The following TMEM130 variants were observed in gnomAD, a reference collection of about 807,000 sequenced individuals.
TMEM130 encodes the protein transmembrane protein 130.
In TMEM130, 37 loss-of-function variants were observed where a neutral mutation model predicts 42.9. That is an observed-to-expected ratio of 0.86 (90% confidence interval 0.66 to 1.13). The LOEUF is 1.13. TMEM130 is among the 50% of genes most tolerant of loss of function. The probability of loss-of-function intolerance (pLI) is 0.00; values close to 1 mark genes in which losing one functional copy is unlikely to be tolerated. For missense variants in TMEM130, 545 were observed against 562.6 expected (o/e 0.97, Z 0.32); for synonymous variants, 259 against 237.7 (o/e 1.09, Z -0.82).
Position 98,851,659 on chromosome 7 carries a change from T to G in TMEM130, c.804-36A>C. 7 of 1,556,366 alleles carry G rather than the reference T, an allele frequency of 4.5e-6. No homozygotes were observed. The South Asian group carries it at 8.4e-5, about 19-fold the overall frequency. ...ATGGGGGCGGTTTTTAAGAAAAGGCTCAGCAAAGCATGTCAGCACAGACCA... is the reference window on the plus strand; with the variant it reads ...ATGGGGGCGGTTTTTAAGAAAAGGCGCAGCAAAGCATGTCAGCACAGACCA... On this transcript the variant is annotated intron_variant, in intron 5 of 7. Transcript: ENST00000339375.
At chr7:98,851,074 T>G (rs1454586159) in intron 6 of TMEM130, among the ~76,000 whole-genome samples, 3 of 151,724 alleles carry the variant, frequency 2.0e-5, no homozygotes, top group African/African-American at 7.3e-5. Flanking sequence ...CCTGGAAGAG[T>G]TGTCAGGAAA....
rs782253561 is a variant in TMEM130 at position 98,856,078 on chromosome 7, C to T, written c.657G>A (p.Pro219=). 16 of 1,613,748 alleles carry T rather than the reference C, an allele frequency of 9.9e-6. No individual in the cohort carries two copies. The Admixed American group carries it at 1.2e-4, about 12-fold the overall frequency. Residue 219 remains proline, a synonymous_variant, in exon 4 of 8, where the codon CCG becomes CCA. Transcript: ENST00000339375. ...TCTGCTTCACAGCCCTCGTGGCATC[C>T]GGCTCCACCTCTTCCCACTCCGCCA... ...KVVAEWEEVE[P]DATRAVKQKT... is the part of the protein sequence containing the mutation.
At chr7:98,864,704 G>T (rs1347561700) in intron 1 of TMEM130, among the ~76,000 whole-genome samples, 1 of 152,078 alleles carries the variant, frequency 6.6e-6, no homozygotes, top group East Asian at 1.9e-4. Flanking sequence ...TTCGAGACCA[G>T]CCTGGCCAAC....
At position 98,848,777 on chromosome 7, in the gene TMEM130, AGGGAAT is replaced by A; in HGVS notation, c.1007-88_1007-83del. On this transcript the variant is annotated intron_variant, in intron 6 of 7. Transcript: ENST00000339375. The stretch of plus-strand genomic sequence containing the variant: ...TCTCAGGAAGCAAGCACAACAAAGG[AGGGAAT>A]GGTCAAGCCCCACCAGTGATTTTTT... 3.0e-6 allele frequency: 3 copies of A among 990,174 alleles called. No individual in the cohort carries two copies. The South Asian group carries it at 3.9e-5, about 13-fold the overall frequency. 61.3% of individuals were successfully genotyped at this position (990,174 alleles called of 1,614,324 possible). A position where few individuals can be genotyped will look rare whatever the true frequency, so the allele number is the denominator to read the frequency against.
At position 98,849,989 on chromosome 7, in the gene TMEM130, G is replaced by A. The variant is rs74571968; in HGVS notation, c.1007-1294C>T. ...ACAATCGTAAGCCAGGGGCTGGGCC[G>A]ATGATAGTTTTGGAAAGGTATTTCA... is the stretch of plus-strand genomic sequence containing the variant. On this transcript the variant is annotated intron_variant, in intron 6 of 7. Coordinates refer to ENST00000339375, the MANE Select transcript of TMEM130 (RefSeq NM_152913.3). Among the ~76,000 whole-genome samples, 1,372 of 152,088 alleles carry A rather than the reference G, an allele frequency of 9.0e-3. 55 individuals are homozygous for A. The East Asian group carries it at 0.13, about 15-fold the overall frequency.
intron 5 of TMEM130, among the ~76,000 whole-genome samples, chr7:98,852,119 T>A (rs909601911): frequency 6.6e-6 from 1 of 151,582 alleles, no homozygotes; most frequent in Non-Finnish European, 1.5e-5. Context: ...ACTAATTTTT[T>A]AATTTAATTT....
At chr7:98,849,534 A>G (rs1263259869) in intron 6 of TMEM130, among the ~76,000 whole-genome samples, 1 of 152,188 alleles carries the variant, frequency 6.6e-6, no homozygotes, top group Non-Finnish European at 1.5e-5. Flanking sequence ...GGCTCAAGTG[A>G]CCTGATGATG....
intron 2 of TMEM130, among the ~76,000 whole-genome samples, chr7:98,860,929 C>T (rs538102008): frequency 0.029 from 2,892 of 100,056 alleles, 112 homozygotes; most frequent in African/African-American, 0.11. Context: ...GGCGACAGAG[C>T]AAGACTCTGT....
chr7:98,848,312 G>T, intron 7 of TMEM130, 104 bp from the exon 8 acceptor site: 1 of 1,408,300 alleles, frequency 7.1e-7, no homozygotes, highest in South Asian at 1.3e-5. Context: ...GGCCTTATGA[G>T]CTCAGCTGCC....
At chr7:98,860,122 G>T in intron 3 of TMEM130, 57 bp downstream of exon 3, 1 of 1,548,016 alleles carries the variant, frequency 6.5e-7, no homozygotes, top group Non-Finnish European at 8.8e-7. Flanking sequence ...TGCACAGTGC[G>T]CGGGACAGTG....
intron 5 of TMEM130, among the ~76,000 whole-genome samples, chr7:98,853,676 G>A (rs1432611313): frequency 2.6e-5 from 4 of 152,228 alleles, no homozygotes; most frequent in African/African-American, 7.2e-5. Context: ...ACTGATGTCT[G>A]CGGCTCTATC....
intron 3 of TMEM130, among the ~76,000 whole-genome samples, chr7:98,856,714 C>T (rs1554399067): frequency 2.6e-5 from 4 of 152,012 alleles, no homozygotes; most frequent in Non-Finnish European, 5.9e-5. Flanking sequence ...CCAGGCTGGT[C>T]TTGAACTCCT....
Position 98,851,618 on chromosome 7 carries a change from G to A in TMEM130, c.809C>T (p.Pro270Leu), listed in dbSNP as rs1554398273. The A allele has an allele frequency of 6.2e-7, 1 of 1,609,980 alleles. No homozygotes were observed. The highest frequency in any genetic ancestry group is 1.7e-5 in the Admixed American group (1 of 59,534). ...CTTGAGACGCCAGCACACAGTCAGA[G>A]GAGGGCTGCAGGGAAATGGGGGCGG... Reference protein sequence around the residue: ...TVTLNFLGSPPLTVCWRLKPE... With the variant: ...TVTLNFLGSPLLTVCWRLKPE... The change falls in exon 6 of 8, where the codon CCT becomes CTT. Residue 270 changes from proline (P) to leucine (L), a missense_variant. Coordinates refer to ENST00000339375, the MANE Select transcript of TMEM130 (RefSeq NM_152913.3).
At chr7:98,854,899 C>T (rs573263824) in intron 5 of TMEM130, among the ~76,000 whole-genome samples, 8 of 152,096 alleles carry the variant, frequency 5.3e-5, no homozygotes, top group African/African-American at 1.9e-4. Context: ...AGCCGGGCAT[C>T]GTGGAGTGCA....
chr7:98,851,634 A>G lies in TMEM130; in HGVS notation c.804-11T>C. 2 of 1,600,860 alleles carry G rather than the reference A, an allele frequency of 1.2e-6. No individual in the cohort carries two copies. The highest frequency in any genetic ancestry group is 1.7e-6 in the Non-Finnish European group (2 of 1,172,294). On this transcript the variant is annotated splice_polypyrimidine_tract_variant and intron_variant, in intron 5 of 7. Transcript: ENST00000339375. ...ACAGTCAGAGGAGGGCTGCAGGGAA[A>G]TGGGGGCGGTTTTTAAGAAAAGGCT...
In TMEM130 at chr7:98,852,204, G is replaced by A. The variant is rs189009810; in HGVS notation, c.804-581C>T. Reference sequence around the variant, plus strand: ...TGCCCAGGCTGGAGTGCAATGGCGCGATCTTGACTCACTGCAACCTTCACC... The same window carrying A: ...TGCCCAGGCTGGAGTGCAATGGCGCAATCTTGACTCACTGCAACCTTCACC... On this transcript the variant is annotated intron_variant, in intron 5 of 7. Coordinates refer to ENST00000339375, the MANE Select transcript of TMEM130 (RefSeq NM_152913.3). 8.5e-5 allele frequency among the ~76,000 whole-genome samples: 13 copies of A among 152,054 alleles called. 1 individual carries two copies. Among genetic ancestry groups the A allele is most frequent in the Admixed American group, 2.6e-4 (4 of 15,258 alleles).
intron 2 of TMEM130, among the ~76,000 whole-genome samples, chr7:98,860,947 A>G (rs76171946): frequency 7.4e-6 from 1 of 135,114 alleles, no homozygotes; most frequent in Non-Finnish European, 1.7e-5. Flanking sequence ...TGTCTCAAAA[A>G]AAAAAAAAAA....
At chr7:98,868,566 A>G (rs574993090) in intron 1 of TMEM130, among the ~76,000 whole-genome samples, 3 of 152,340 alleles carry the variant, frequency 2.0e-5, no homozygotes, top group African/African-American at 7.2e-5. Flanking sequence ...AGTCCAGTAC[A>G]TGGACTTCTG....
Position 98,846,897 on chromosome 7 carries a change from T to G in TMEM130, c.*1159A>C, listed in dbSNP as rs568751673. The G allele has an allele frequency of 6.6e-6, 1 of 151,448 alleles. No individual in the cohort carries two copies. The highest frequency in any genetic ancestry group is 2.1e-4 in the South Asian group (1 of 4,774). The allele number at this position is 151,448 out of a possible 1,614,324, so 9.4% of individuals were successfully genotyped here. ...TGGAGACAGAGTCTCGCTCTGTCACTCAGGCTGGAGTGCAGTGGCGCCATC... is the reference window on the plus strand; with the variant it reads ...TGGAGACAGAGTCTCGCTCTGTCACGCAGGCTGGAGTGCAGTGGCGCCATC... On this transcript the variant is annotated 3_prime_UTR_variant, in exon 8 of 8. Transcript: ENST00000339375.
Sources: allele counts gnomAD v4.1 joint callset (sites outside exome capture counted in the v4.1 genomes callset), GRCh38; gene constraint gnomAD v4.1.1; transcripts MANE v1.5; gene names NCBI Gene and HGNC (gene_info 2026-07-23, HGNC 2026-07-21).